The following IQCK variants were observed in gnomAD, a reference collection of about 807,000 sequenced individuals.
IQCK encodes the protein IQ domain-containing protein K.
Under a neutral mutation model 28.1 loss-of-function variants are expected in IQCK, and 29 were observed. That is an observed-to-expected ratio of 1.03 (90% confidence interval 0.77 to 1.41). The LOEUF (loss-of-function observed/expected upper bound fraction) is 1.41, where lower values mean the gene tolerates loss of function less well. Among genes scored for constraint, IQCK ranks in the 40% most tolerant of loss-of-function variants. The probability of loss-of-function intolerance (pLI) is 0.00; values close to 1 mark genes in which losing one functional copy is unlikely to be tolerated. For synonymous variants in IQCK, 113 were observed against 115.1 expected (o/e 0.98, Z 0.12); for missense variants, 359 against 314.7 (o/e 1.14, Z -1.07).
chr16:19,735,515 G>A (rs1411489451), intron 4 of IQCK, 65 bp downstream of exon 4: 1 of 1,261,144 alleles, frequency 7.9e-7, no homozygotes, highest in Admixed American at 1.7e-5. Flanking sequence ...TCAGATGATA[G>A]CTCATTATCT....
At chr16:19,850,727 A>G (rs558649711) in intron 9 of IQCK, among the ~76,000 whole-genome samples, 1 of 152,250 alleles carries the variant, frequency 6.6e-6, no homozygotes, top group East Asian at 1.9e-4. Context: ...AAGCAAAATA[A>G]TAGCTGGCTG....
chr16:19,827,453 T>C (rs977322386), downstream of IQCK, among the ~76,000 whole-genome samples: 15 of 152,158 alleles, frequency 9.9e-5, no homozygotes, highest in Non-Finnish European at 2.1e-4. Flanking sequence ...GTATGATGGA[T>C]AGTTATAGTT....
intron 4 of IQCK, among the ~76,000 whole-genome samples, chr16:19,745,059 A>G (rs779631798): frequency 3.3e-5 from 5 of 152,238 alleles, no homozygotes; most frequent in Non-Finnish European, 7.3e-5. Context: ...TTGCTCTCCT[A>G]TATTTAATAT....
rs145646133 is a variant in IQCK, at chr16:19,737,080, T to A, written c.474+1630T>A. On this transcript the variant is annotated intron_variant, in intron 4 of 7. Transcript: ENST00000564186. ...ATGGGGCTGAGATGGGAGGATCAAC[T>A]GAGCCCTGGAAGTTGAGGCTGCAGT... is the stretch of plus-strand genomic sequence containing the variant. Among the ~76,000 whole-genome samples, 60 of 151,890 alleles carry A rather than the reference T, an allele frequency of 4.0e-4. No individual in the cohort carries two copies. The East Asian group carries it at 0.011, about 27-fold the overall frequency.
At chr16:19,805,172 GGGTT>G (rs1258582770) in intron 7 of IQCK, among the ~76,000 whole-genome samples, 1 of 152,124 alleles carries the variant, frequency 6.6e-6, no homozygotes, top group African/African-American at 2.4e-5. Flanking sequence ...TCTCAGGCAG[GGGTT>G]GGTTGTCGTT....
chr16:19,749,209 A>G (rs2054953326), intron 4 of IQCK, among the ~76,000 whole-genome samples: 1 of 152,242 alleles, frequency 6.6e-6, no homozygotes. Flanking sequence ...CTTTCTTAAA[A>G]TCAGACTTCA....
rs1283935402 is a variant in IQCK at position 19,776,140 on chromosome 16, CA to C, written c.605+12031del. 2.0e-5 allele frequency among the ~76,000 whole-genome samples: 3 copies of C among 152,044 alleles called. No individual in the cohort carries two copies. The South Asian group carries it at 6.2e-4, about 31-fold the overall frequency. ...AGGTGATCCACCTGCCTCGGCCTCCCAAAGTGCTGGGATTACAGGCATGAGC... is the reference window on the plus strand; with the variant it reads ...AGGTGATCCACCTGCCTCGGCCTCCCAAGTGCTGGGATTACAGGCATGAGC... On this transcript the variant is annotated intron_variant, in intron 6 of 7. Transcript: ENST00000564186.
At chr16:19,769,556 A>AC (rs1461506792) in intron 6 of IQCK, among the ~76,000 whole-genome samples, 3 of 152,354 alleles carry the variant, frequency 2.0e-5, no homozygotes, top group Middle Eastern at 3.4e-3. Context: ...GTCACAGGAA[A>AC]CCAGCATCGC....
At chr16:19,816,737 A>G (rs2055994270) in intron 7 of IQCK, among the ~76,000 whole-genome samples, 1 of 152,204 alleles carries the variant, frequency 6.6e-6, no homozygotes, top group Non-Finnish European at 1.5e-5. Context: ...ACTAATAGCA[A>G]TTGTAAGATT....
intron 6 of IQCK, among the ~76,000 whole-genome samples, chr16:19,772,408 G>A (rs1315137436): frequency 1.3e-5 from 2 of 151,844 alleles, no homozygotes. Context: ...ATAAAAAATT[G>A]GAGACAACTG....
intron 9 of IQCK, among the ~76,000 whole-genome samples, chr16:19,852,313 T>C (rs1317589989): frequency 6.6e-6 from 1 of 152,104 alleles, no homozygotes; most frequent in East Asian, 1.9e-4. Context: ...GGAGGATCGC[T>C]TGAGCCTCCA....
chr16:19,799,584 A>G (rs1242281551), intron 7 of IQCK, among the ~76,000 whole-genome samples: 1 of 97,964 alleles, frequency 1.0e-5, no homozygotes, highest in Non-Finnish European at 1.8e-5. Context: ...ATTTTATTTT[A>G]TATATATATA....
chr16:19,823,039 G>T (rs1041450430), intron 7 of IQCK, among the ~76,000 whole-genome samples: 11 of 152,118 alleles, frequency 7.2e-5, no homozygotes, highest in African/African-American at 2.7e-4. Context: ...GTAGCTGATG[G>T]TGAAACCTGG....
chr16:19,799,780 A>G (rs1219190880), intron 7 of IQCK, among the ~76,000 whole-genome samples: 1 of 41,068 alleles, frequency 2.4e-5, no homozygotes, highest in Admixed American at 3.5e-4. Context: ...GAGTGGGAGG[A>G]TCACTTAAGC....
chr16:19,850,200 T>A (rs1462652970), intron 9 of IQCK, among the ~76,000 whole-genome samples: 1 of 152,190 alleles, frequency 6.6e-6, no homozygotes, highest in East Asian at 1.9e-4. Flanking sequence ...TTGTTGCTTC[T>A]TTAATCACAG....
chr16:19,833,083 C>T (rs1374243272), intron 9 of IQCK, among the ~76,000 whole-genome samples: 2 of 152,104 alleles, frequency 1.3e-5, no homozygotes, highest in Non-Finnish European at 2.9e-5. Flanking sequence ...CCCTTAGTTA[C>T]GATTTGTGTG....
At chr16:19,741,245 G>C (rs1357076088) in intron 4 of IQCK, among the ~76,000 whole-genome samples, 2 of 152,076 alleles carry the variant, frequency 1.3e-5, no homozygotes, top group Non-Finnish European at 2.9e-5. Flanking sequence ...ATCTGTAGCT[G>C]GGGATTCATT....
At chr16:19,784,519 A>G (rs2055536345) in intron 6 of IQCK, among the ~76,000 whole-genome samples, 1 of 152,202 alleles carries the variant, frequency 6.6e-6, no homozygotes, top group Admixed American at 6.5e-5. Flanking sequence ...CAGAGAGGCA[A>G]CTACTCACTC....
At chr16:19,838,562 G>C (rs923906574) in intron 9 of IQCK, among the ~76,000 whole-genome samples, 3 of 152,100 alleles carry the variant, frequency 2.0e-5, no homozygotes, top group Non-Finnish European at 4.4e-5. Flanking sequence ...GTCAAGCTGG[G>C]GCCCGGCCTA....
Sources: allele counts gnomAD v4.1 joint callset (sites outside exome capture counted in the v4.1 genomes callset), GRCh38; gene constraint gnomAD v4.1.1; transcripts MANE v1.5; gene names NCBI Gene and HGNC (gene_info 2026-07-23, HGNC 2026-07-21).